Variants in SNRPA observed in about 807,000 individuals in gnomAD.
The protein encoded by SNRPA is small nuclear ribonucleoprotein polypeptide A, also known as U1 small nuclear ribonucleoprotein A.
A neutral mutation model predicts 24.5 loss-of-function variants in SNRPA; 10 were observed. The ratio of observed to expected loss-of-function variants is 0.41; its 90% CI spans 0.25 to 0.69. The LOEUF is 0.69. Among genes scored for constraint, SNRPA ranks in the 30% least tolerant of loss-of-function variants. The probability of loss-of-function intolerance (pLI) is 0.33; values close to 1 mark genes in which losing one functional copy is unlikely to be tolerated. For missense variants in SNRPA, 283 were observed against 394.7 expected (o/e 0.72, Z 2.40); for synonymous variants, 165 against 148.4 (o/e 1.11, Z -0.81).
At chr19:40,759,308 C>A in intron 2 of SNRPA, 123 bp from the exon 3 acceptor site, 1 of 933,936 alleles carries the variant, frequency 1.1e-6, no homozygotes, top group South Asian at 2.0e-5. Flanking sequence ...CTTTAGCCTC[C>A]CAAAGGGCTG....
intron 1 of SNRPA, among the ~76,000 whole-genome samples, chr19:40,752,611 C>T (rs1172982541): frequency 7.4e-6 from 1 of 134,294 alleles, no homozygotes; most frequent in South Asian, 2.4e-4. Flanking sequence ...AAAGGCTGGG[C>T]GTGGGTGGGG....
chr19:40,762,912 G>A lies in SNRPA; in HGVS notation c.438G>A (p.Pro146=), dbSNP rs1196366670. Residue 146 remains proline, a synonymous_variant, in exon 4 of 6, where the codon CCG becomes CCA. Coordinates refer to ENST00000243563, the MANE Select transcript of SNRPA (RefSeq NM_004596.5). ...AVQGPVPGMP[P]MTQAPRIMHH... ...CCCTCTCTCCACAGGGCATGCCGCC[G>A]ATGACTCAGGCGCCCCGCATTATGC... 7 of 1,613,520 alleles carry A rather than the reference G, an allele frequency of 4.3e-6. No homozygotes were observed. The highest frequency in any genetic ancestry group is 2.2e-5 in the South Asian group (2 of 91,028).
At chr19:40,752,701 A>C (rs2082887578) in intron 1 of SNRPA, among the ~76,000 whole-genome samples, 1 of 151,350 alleles carries the variant, frequency 6.6e-6, no homozygotes, top group African/African-American at 2.4e-5. Flanking sequence ...GCAGTGAGCT[A>C]TGATTGCACC....
chr19:40,752,522 C>CA (rs1353177340), intron 1 of SNRPA, among the ~76,000 whole-genome samples: 2 of 134,506 alleles, frequency 1.5e-5, no homozygotes, highest in Non-Finnish European at 3.0e-5. Flanking sequence ...GCAGGAGGAT[C>CA]ACTGAAACAC....
intron 4 of SNRPA, 112 bp from the exon 5 acceptor site, chr19:40,763,475 G>A: frequency 1.2e-6 from 1 of 844,746 alleles, no homozygotes. Context: ...ATGTTGGGTG[G>A]AAGTACCAGA....
intron 2 of SNRPA, 123 bp from the exon 3 acceptor site, chr19:40,759,308 C>T: frequency 1.1e-6 from 1 of 933,936 alleles, no homozygotes; most frequent in Non-Finnish European, 1.6e-6. Context: ...CTTTAGCCTC[C>T]CAAAGGGCTG....
intron 1 of SNRPA, among the ~76,000 whole-genome samples, chr19:40,752,418 T>C (rs1380918752): frequency 2.0e-5 from 3 of 149,272 alleles, no homozygotes; most frequent in Admixed American, 6.7e-5. Flanking sequence ...AGTAAAGTGG[T>C]TGAGGCCACC....
chr19:40,754,103 T>TTG (rs1032220276), intron 1 of SNRPA, among the ~76,000 whole-genome samples: 1 of 147,008 alleles, frequency 6.8e-6, no homozygotes, highest in Non-Finnish European at 1.5e-5. Context: ...GCCCGGCGTT[T>TTG]TTTTTTTTTT....
chr19:40,764,966 G>A, intron 5 of SNRPA, 42 bp from the exon 6 acceptor site: 1 of 1,491,874 alleles, frequency 6.7e-7, no homozygotes. Context: ...CGTTACGTTA[G>A]GGGGAAATGC....
rs1057100814 is a variant in SNRPA at position 40,757,588 on chromosome 19, T to TA, written c.246+85dup. ...GGGCCTGGATTAGAGGAGGGGATATTACGGTTCATTTGCCAAGGTGAGGCT... is the reference window on the plus strand; with the variant it reads ...GGGCCTGGATTAGAGGAGGGGATATTAACGGTTCATTTGCCAAGGTGAGGCT... On this transcript the variant is annotated intron_variant, in intron 2 of 5. Coordinates refer to ENST00000243563, the MANE Select transcript of SNRPA (RefSeq NM_004596.5). 8 of 1,293,144 alleles carry TA rather than the reference T, an allele frequency of 6.2e-6. No individual in the cohort carries two copies. In the South Asian group the frequency reaches 1.2e-4, roughly 19 times the overall value. The allele number at this position is 1,293,144 out of a possible 1,614,324, so 80.1% of individuals were successfully genotyped here. A position where few individuals can be genotyped will look rare whatever the true frequency, so the allele number is the denominator to read the frequency against.
At chr19:40,753,200 C>A (rs2082891098) in intron 1 of SNRPA, among the ~76,000 whole-genome samples, 1 of 151,648 alleles carries the variant, frequency 6.6e-6, no homozygotes, top group South Asian at 2.1e-4. Context: ...ACTGAAAATA[C>A]AAAAATCAGC....
chr19:40,755,148 C>T (rs986895556), intron 1 of SNRPA, among the ~76,000 whole-genome samples: 3 of 151,634 alleles, frequency 2.0e-5, no homozygotes, highest in African/African-American at 7.3e-5. Context: ...GCAATCTCTG[C>T]TCACTGTAAC....
rs572892523 is a variant in SNRPA, at chr19:40,759,610, G to T, written c.426G>T (p.Pro142=). ...PVVGAVQGPV[P]GMPPMTQAPR... ...TGGGGGCTGTCCAGGGGCCTGTCCC[G>T]GTAAGCCAGGTCCCGGAGACCAACC... Residue 142 remains proline (P), a splice_region_variant and synonymous_variant, in exon 3 of 6, where the codon CCG becomes CCT. Coordinates refer to ENST00000243563, the MANE Select transcript of SNRPA (RefSeq NM_004596.5). The T allele has an allele frequency of 1.9e-6, 3 of 1,594,500 alleles. No homozygotes were observed. Among genetic ancestry groups the T allele is most frequent in the East Asian group, 2.3e-5 (1 of 44,404 alleles).
At chr19:40,763,247 T>A in intron 4 of SNRPA, 173 bp downstream of exon 4, 2 of 602,078 alleles carry the variant, frequency 3.3e-6, no homozygotes. Context: ...GGAATTGGCA[T>A]GCTGGTTGGA....
rs1271692297 is a variant in SNRPA, at chr19:40,764,999, C to T, written c.690-9C>T. On this transcript the variant is annotated splice_polypyrimidine_tract_variant and intron_variant, in intron 5 of 5. Transcript: ENST00000243563. ...TGCTGAGTCCCTGAGGTCTGTCGTT[C>T]TCTTTCAGGTTCCCTGGCTTCAAGG... The T allele has an allele frequency of 6.4e-7, 1 of 1,551,376 alleles. No homozygotes were observed. Among genetic ancestry groups the T allele is most frequent in the Non-Finnish European group, 8.7e-7 (1 of 1,151,452 alleles).
Position 40,759,540 on chromosome 19 carries a change from CG to C in SNRPA, c.358del (p.Ala120ProfsTer28). ...AGGAAGCCCAAGAGCCAGGAGACCC[CG>C]GCCACCAAGAAGGCTGTGCAAGGCG... is the stretch of plus-strand genomic sequence containing the variant. ...EKRKPKSQET[P>X]ATKKAVQGGG... On this transcript the variant is annotated frameshift_variant, in exon 3 of 6. Coordinates refer to ENST00000243563, the MANE Select transcript of SNRPA (RefSeq NM_004596.5). LOFTEE classifies it high-confidence loss of function. The C allele has an allele frequency of 5.6e-6, 9 of 1,614,026 alleles. No individual in the cohort carries two copies. Among genetic ancestry groups the C allele is most frequent in the Non-Finnish European group, 7.6e-6 (9 of 1,179,978 alleles).
chr19:40,765,247 G>GT lies in SNRPA; in HGVS notation c.*81dup. 9.5e-7 allele frequency: 1 copy of GT among 1,050,300 alleles called. No homozygotes were observed. The highest frequency in any genetic ancestry group is 1.3e-6 in the Non-Finnish European group (1 of 772,264). The allele number at this position is 1,050,300 out of a possible 1,614,324, so 65.1% of individuals were successfully genotyped here. ...CCTTGGCTCAGCCCCCTGAAGGTAA[G>GT]TCCCCCCTTGGGGGCCTTCTTGGAG... On this transcript the variant is annotated 3_prime_UTR_variant, in exon 6 of 6. Coordinates refer to ENST00000243563, the MANE Select transcript of SNRPA (RefSeq NM_004596.5).
At chr19:40,755,257 C>CTTTTTTTTTTT (rs1004235207) in intron 1 of SNRPA, among the ~76,000 whole-genome samples, 34 of 82,578 alleles carry the variant, frequency 4.1e-4, no homozygotes, top group East Asian at 9.0e-4. Context: ...TTTTTCTTTT[C>CTTTTTTTTTTT]TTTTTTTTTT....
intron 2 of SNRPA, among the ~76,000 whole-genome samples, chr19:40,757,858 C>G (rs1285940455): frequency 6.6e-6 from 1 of 151,530 alleles, no homozygotes; most frequent in Non-Finnish European, 1.5e-5. Context: ...AGGAGAATTG[C>G]TTGAACCCGG....
Sources: allele counts gnomAD v4.1 joint callset (sites outside exome capture counted in the v4.1 genomes callset), GRCh38; gene constraint gnomAD v4.1.1; transcripts MANE v1.5; gene names NCBI Gene and HGNC (gene_info 2026-07-23, HGNC 2026-07-21).